AMOTL1: variants seen among roughly 807,000 people sequenced by gnomAD.
AMOTL1 encodes the protein angiomotin-like protein 1.
AMOTL1 carries 45 observed loss-of-function variants against 102.9 expected under a neutral mutation model. The observed-to-expected ratio is 0.44, with a 90% CI of 0.34 to 0.56. The LOEUF is 0.56. AMOTL1 is among the 20% of genes least tolerant of loss of function. AMOTL1 has a pLI of 0.01. For synonymous variants in AMOTL1, 481 were observed against 484.7 expected (o/e 0.99, Z 0.10); for missense variants, 1,114 against 1,225.6 (o/e 0.91, Z 1.36).
intron 1 of AMOTL1, among the ~76,000 whole-genome samples, chr11:94,779,619 T>A (rs930494050): frequency 6.6e-6 from 1 of 152,150 alleles, no homozygotes; most frequent in African/African-American, 2.4e-5. Flanking sequence ...CTTTAAGACA[T>A]TGTACCGTGA....
At chr11:94,765,019 A>G (rs775095528), upstream of AMOTL1, among the ~76,000 whole-genome samples, 1 of 152,130 alleles carries the variant, frequency 6.6e-6, no homozygotes, top group Non-Finnish European at 1.5e-5. Flanking sequence ...TGCCTCTGTT[A>G]CTTCAACATT....
intron 1 of AMOTL1, among the ~76,000 whole-genome samples, chr11:94,774,048 A>G (rs1950990450): frequency 6.6e-6 from 1 of 152,218 alleles, no homozygotes; most frequent in African/African-American, 2.4e-5. Context: ...AAGTGAAGCA[A>G]TGCGCACAAT....
intron 4 of AMOTL1, among the ~76,000 whole-genome samples, chr11:94,824,055 AT>A (rs1190376055): frequency 2.6e-5 from 4 of 152,078 alleles, no homozygotes; most frequent in Non-Finnish European, 5.9e-5. Context: ...GCACATTTCC[AT>A]TTTGAAAACT....
At chr11:94,822,317 G>A (rs996743453) in intron 4 of AMOTL1, among the ~76,000 whole-genome samples, 1 of 152,170 alleles carries the variant, frequency 6.6e-6, no homozygotes, top group African/African-American at 2.4e-5. Context: ...CCCATGCCTT[G>A]CAGTCCCAGC....
At chr11:94,723,504 A>G (rs953607527) in intron 1 of AMOTL1, among the ~76,000 whole-genome samples, 2 of 152,286 alleles carry the variant, frequency 1.3e-5, no homozygotes, top group East Asian at 3.9e-4. Flanking sequence ...AGCACAAATT[A>G]TTTATTGGAA....
chr11:94,795,521 A>C (rs894525730), intron 2 of AMOTL1, among the ~76,000 whole-genome samples: 1 of 151,954 alleles, frequency 6.6e-6, no homozygotes, highest in Non-Finnish European at 1.5e-5. Flanking sequence ...CTCTTTTTGC[A>C]AATAATTTAG....
At chr11:94,858,950 T>C (rs1952719764) in intron 8 of AMOTL1, among the ~76,000 whole-genome samples, 1 of 152,314 alleles carries the variant, frequency 6.6e-6, no homozygotes, top group South Asian at 2.1e-4. Context: ...ATATGCATTA[T>C]CTAGTTTGAT....
intron 1 of AMOTL1, 118 bp downstream of exon 1, chr11:94,768,678 G>C: frequency 9.7e-6 from 14 of 1,449,840 alleles, no homozygotes; most frequent in Non-Finnish European, 1.3e-5. Context: ...GCTTCTGGGG[G>C]CCCGGGGCTG....
At position 94,778,203 on chromosome 11, in the gene AMOTL1, TAC is replaced by T. The variant is rs200725244; in HGVS notation, c.49+9645_49+9646del. On this transcript the variant is annotated intron_variant, in intron 1 of 12. Transcript: ENST00000433060. ...TTCTCTCCTGGGGAGGGTGGATAAA[TAC>T]AGATTAGGAGGATATGGAGGGCAAA... Among the ~76,000 whole-genome samples the T allele has an allele frequency of 5.0e-3, 754 of 152,214 alleles. 4 individuals carry two copies. Among genetic ancestry groups the T allele is most frequent in the South Asian group, 0.012 (56 of 4,810 alleles).
Position 94,800,210 on chromosome 11 carries a change from G to C in AMOTL1, c.1020G>C (p.Gly340=), listed in dbSNP as rs746060633. ...TTTTTTATGGTGACCAGCACCCCGG[G>C]ATGCTCCACGAGATGGTCAAGCCCT... ...HGLFYGDQHP[G]MLHEMVKPYP... The change falls in exon 3 of 13, where the codon GGG becomes GGC. Residue 340 remains glycine (G), a synonymous_variant. Coordinates refer to ENST00000433060, the MANE Select transcript of AMOTL1 (RefSeq NM_130847.3). 3.7e-6 allele frequency: 6 copies of C among 1,613,956 alleles called. No individual in the cohort carries two copies. In the Admixed American group the frequency reaches 6.7e-5, roughly 18 times the overall value.
chr11:94,776,874 C>G (rs1951032269), intron 1 of AMOTL1, among the ~76,000 whole-genome samples: 1 of 152,172 alleles, frequency 6.6e-6, no homozygotes, highest in Admixed American at 6.5e-5. Context: ...GAGGGACTGG[C>G]TCCTAAATAT....
In AMOTL1 at chr11:94,869,253, C is replaced by T. The variant is rs1315265235; in HGVS notation, c.2544C>T (p.Pro848=). The change falls in exon 12 of 13, where the codon CCC becomes CCT. Residue 848 remains proline (P), a synonymous_variant. Coordinates refer to ENST00000433060, the MANE Select transcript of AMOTL1 (RefSeq NM_130847.3). ...HEHASAPLLP[P]PPTSALSSIA... ...ATGCCTCTGCCCCACTGCTGCCACC[C>T]CCACCCACCTCAGCACTGTCCTCCA... 9 of 1,613,102 alleles carry T rather than the reference C, an allele frequency of 5.6e-6. No individual in the cohort carries two copies. Among genetic ancestry groups the T allele is most frequent in the Middle Eastern group, 1.7e-4 (1 of 6,058 alleles).
chr11:94,736,838 G>T (rs951914616), intron 2 of AMOTL1, among the ~76,000 whole-genome samples: 1 of 152,150 alleles, frequency 6.6e-6, no homozygotes, highest in Admixed American at 6.5e-5. Context: ...ATTCAATAAG[G>T]TCTGTCATGG....
Position 94,873,134 on chromosome 11 carries a change from C to T in AMOTL1, c.*2339C>T, listed in dbSNP as rs1030072611. ...CGAAGCCTCGTCTTCATGCCCCAGA[C>T]ACCTGATTGCCCCAATCAGGTGTCA... On this transcript the variant is annotated 3_prime_UTR_variant, in exon 13 of 13. Coordinates refer to ENST00000433060, the MANE Select transcript of AMOTL1 (RefSeq NM_130847.3). The T allele has an allele frequency of 1.3e-5, 2 of 152,200 alleles. No individual in the cohort carries two copies. The highest frequency in any genetic ancestry group is 4.8e-5 in the African/African-American group (2 of 41,448). The allele number at this position is 152,200 out of a possible 1,614,324, so 9.4% of individuals were successfully genotyped here.
At chr11:94,718,643 GT>G (rs140091467) in intron 1 of AMOTL1, among the ~76,000 whole-genome samples, 1,900 of 151,874 alleles carry the variant, frequency 0.013, 46 homozygotes, top group African/African-American at 0.043. Context: ...TATCAAGATT[GT>G]TTTGACTCTT....
At chr11:94,797,822 G>T (rs1437827833) in intron 2 of AMOTL1, among the ~76,000 whole-genome samples, 1 of 152,204 alleles carries the variant, frequency 6.6e-6, no homozygotes, top group Non-Finnish European at 1.5e-5. Context: ...GTTGGGAGCA[G>T]CATGAAATGT....
At chr11:94,773,786 A>G (rs892148435) in intron 1 of AMOTL1, among the ~76,000 whole-genome samples, 1 of 152,236 alleles carries the variant, frequency 6.6e-6, no homozygotes, top group Non-Finnish European at 1.5e-5. Flanking sequence ...AGTACATGGC[A>G]TGATAGCTTA....
Position 94,758,208 on chromosome 11 carries a change from G to A in AMOTL1, c.136+17220G>A, listed in dbSNP as rs182457391. 5.3e-5 allele frequency among the ~76,000 whole-genome samples: 8 copies of A among 152,266 alleles called. No homozygotes were observed. The East Asian group carries it at 1.5e-3, about 29-fold the overall frequency. ...TAAAAAATCAAATGTTCAAAGATAT[G>A]GAGCAGTGCCTAATGTCTGGAGAGC... On this transcript the variant is annotated intron_variant, in intron 3 of 4. Coordinates refer to the AMOTL1 transcript ENST00000299004.
At position 94,864,502 on chromosome 11, in the gene AMOTL1, G is replaced by T. The variant is rs74685559; in HGVS notation, c.2136-233G>T. 3.4e-3 allele frequency among the ~76,000 whole-genome samples: 521 copies of T among 152,170 alleles called. 5 individuals carry two copies. Among genetic ancestry groups the T allele is most frequent in the African/African-American group, 0.012 (500 of 41,500 alleles). ...GAAGGAGTTTGTGGAGTTTTAGCAC[G>T]GCACCCTGTGATCACCTCTCCACAA... On this transcript the variant is annotated intron_variant, in intron 9 of 12. Coordinates refer to ENST00000433060, the MANE Select transcript of AMOTL1 (RefSeq NM_130847.3).
Sources: allele counts gnomAD v4.1 joint callset (sites outside exome capture counted in the v4.1 genomes callset), GRCh38; gene constraint gnomAD v4.1.1; transcripts MANE v1.5; gene names NCBI Gene and HGNC (gene_info 2026-07-23, HGNC 2026-07-21).